Variants in PDCD10 observed in about 807,000 individuals in gnomAD.
PDCD10 encodes programmed cell death 10, also known as programmed cell death protein 10.
Under a neutral mutation model 29.2 loss-of-function variants are expected in PDCD10, and 4 were observed. The ratio of observed to expected loss-of-function variants is 0.14; its 90% confidence interval spans 0.07 to 0.31. The LOEUF is 0.31. PDCD10 is among the 10% of genes least tolerant of loss of function. The pLI, the probability that PDCD10 is intolerant of heterozygous loss-of-function variation, is 1.00. For missense variants in PDCD10, 183 were observed against 257.9 expected (o/e 0.71, Z 1.99); for synonymous variants, 70 against 82.2 (o/e 0.85, Z 0.80).
At chr3:167,705,107 G>A (rs1721848773) in intron 3 of PDCD10, among the ~76,000 whole-genome samples, 1 of 151,890 alleles carries the variant, frequency 6.6e-6, no homozygotes, top group Admixed American at 6.6e-5. Flanking sequence ...AAAATTAAAA[G>A]CAACCCATAT....
intron 3 of PDCD10, among the ~76,000 whole-genome samples, chr3:167,719,677 T>A (rs1723376450): frequency 6.6e-6 from 1 of 152,102 alleles, no homozygotes; most frequent in African/African-American, 2.4e-5. Flanking sequence ...TCTATTTATC[T>A]CTTTTAGATC....
intron 2 of PDCD10, among the ~76,000 whole-genome samples, chr3:167,727,628 T>A (rs993419215): frequency 3.3e-5 from 5 of 152,192 alleles, no homozygotes; most frequent in African/African-American, 1.2e-4. Flanking sequence ...AGCTTTCCTT[T>A]AAAATCCCTT....
intron 1 of PDCD10, 88 bp downstream of exon 1, chr3:167,734,574 G>A (rs16851456): frequency 6.6e-6 from 1 of 152,560 alleles, no homozygotes; most frequent in East Asian, 1.9e-4. Context: ...CCACCTAGAG[G>A]AGACTTCCTG....
chr3:167,732,129 A>C (rs1724884150), intron 2 of PDCD10, among the ~76,000 whole-genome samples: 1 of 152,200 alleles, frequency 6.6e-6, no homozygotes, highest in African/African-American at 2.4e-5. Context: ...TTCTCATGTA[A>C]ATAATCTAAG....
intron 4 of PDCD10, chr3:167,697,939 A>C (rs1294448197): frequency 4.4e-6 from 2 of 456,548 alleles, no homozygotes; most frequent in Non-Finnish European, 8.8e-6. Flanking sequence ...ATGCCTGCCA[A>C]TTTTAATCAT....
chr3:167,716,000 G>A, intron 3 of PDCD10, among the ~76,000 whole-genome samples: 1 of 151,970 alleles, frequency 6.6e-6, no homozygotes, highest in South Asian at 2.1e-4. Flanking sequence ...GTTCACAACA[G>A]CCAAGATTTT....
chr3:167,720,602 A>G (rs764341967), intron 2 of PDCD10, among the ~76,000 whole-genome samples: 1 of 152,100 alleles, frequency 6.6e-6, no homozygotes, highest in African/African-American at 2.4e-5. Context: ...AAGAGAACAT[A>G]TGAATAAGAC....
chr3:167,691,438 A>C (rs1414496974), intron 6 of PDCD10, among the ~76,000 whole-genome samples: 1 of 152,180 alleles, frequency 6.6e-6, no homozygotes, highest in Non-Finnish European at 1.5e-5. Flanking sequence ...AAAGAAAACA[A>C]CACCCTAAAG....
At chr3:167,686,688 G>C (rs530430117) in intron 8 of PDCD10, among the ~76,000 whole-genome samples, 4 of 152,100 alleles carry the variant, frequency 2.6e-5, no homozygotes, top group African/African-American at 9.7e-5. Flanking sequence ...TGGGACCCTC[G>C]AGCAATTTGC....
chr3:167,692,804 G>C (rs1720395131), intron 6 of PDCD10, among the ~76,000 whole-genome samples: 1 of 152,246 alleles, frequency 6.6e-6, no homozygotes, highest in South Asian at 2.1e-4. Flanking sequence ...TGTAGTCCCA[G>C]CTACGCTGGA....
At chr3:167,728,539 G>A (rs1559981455) in intron 2 of PDCD10, among the ~76,000 whole-genome samples, 1 of 152,156 alleles carries the variant, frequency 6.6e-6, no homozygotes, top group Non-Finnish European at 1.5e-5. Flanking sequence ...ATGGCAGTTA[G>A]AGAAACAATC....
intron 8 of PDCD10, among the ~76,000 whole-genome samples, chr3:167,685,547 AT>A (rs529368063): frequency 4.3e-4 from 65 of 152,306 alleles, no homozygotes; most frequent in Admixed American, 1.4e-3. Flanking sequence ...CAAGCACATT[AT>A]TGATACACAA....
intron 2 of PDCD10, among the ~76,000 whole-genome samples, chr3:167,732,627 G>C (rs1259985090): frequency 6.6e-6 from 1 of 152,168 alleles, no homozygotes; most frequent in East Asian, 1.9e-4. Flanking sequence ...AAGAGTAGTG[G>C]CAGAAATGAA....
In PDCD10 at chr3:167,683,773, T is replaced by TA. The variant is rs1392200049; in HGVS notation, c.*534dup. 2.0e-5 allele frequency: 3 copies of TA among 150,766 alleles called. No homozygotes were observed. Among genetic ancestry groups the TA allele is most frequent in the Non-Finnish European group, 4.4e-5 (3 of 67,642 alleles). 9.3% of individuals were successfully genotyped at this position (150,766 alleles called of 1,614,324 possible). A position where few individuals can be genotyped will look rare whatever the true frequency, so the allele number is the denominator to read the frequency against. On this transcript the variant is annotated 3_prime_UTR_variant, in exon 9 of 9. Coordinates refer to ENST00000392750, the MANE Select transcript of PDCD10 (RefSeq NM_007217.4). The stretch of plus-strand genomic sequence containing the variant: ...TAGAAATTCTTGCTTTATTATTTGA[T>TA]AAACTGCTGATAAGCTCCCATTAGA...
chr3:167,707,044 C>A lies in PDCD10; in HGVS notation c.97-2149G>T, dbSNP rs139258839. Among the ~76,000 whole-genome samples, 267 of 152,302 alleles carry A rather than the reference C, an allele frequency of 1.8e-3. 4 individuals are homozygous for A. Among genetic ancestry groups the A allele is most frequent in the African/African-American group, 6.3e-3 (261 of 41,560 alleles). On this transcript the variant is annotated intron_variant, in intron 3 of 8. Coordinates refer to ENST00000392750, the MANE Select transcript of PDCD10 (RefSeq NM_007217.4). ...TATCTTCAACCTGGTTCTTTAAGGA[C>A]TGACATATTCTTGAGTTCCTACCAT...
chr3:167,718,235 G>A (rs186892025), intron 3 of PDCD10, among the ~76,000 whole-genome samples: 7 of 152,098 alleles, frequency 4.6e-5, no homozygotes, highest in Admixed American at 2.6e-4. Context: ...CTGTGTTTCC[G>A]AATAGATTCT....
chr3:167,711,136 C>T (rs1722480367), intron 3 of PDCD10, among the ~76,000 whole-genome samples: 1 of 152,168 alleles, frequency 6.6e-6, no homozygotes, highest in South Asian at 2.1e-4. Flanking sequence ...CCAGAAGCAT[C>T]AAGACCATCC....
At chr3:167,707,039 A>C (rs1159205909) in intron 3 of PDCD10, among the ~76,000 whole-genome samples, 1 of 152,196 alleles carries the variant, frequency 6.6e-6, no homozygotes, top group Non-Finnish European at 1.5e-5. Context: ...CTGGTTCTTT[A>C]AGGACTGACA....
At position 167,734,886 on chromosome 3, in the gene PDCD10, A is replaced by C. The variant is rs1359419031; in HGVS notation, c.-478T>G. 1 of 152,944 alleles carries C rather than the reference A, an allele frequency of 6.5e-6. No individual in the cohort carries two copies. Among genetic ancestry groups the C allele is most frequent in the Admixed American group, 6.5e-5 (1 of 15,294 alleles). 9.5% of individuals were successfully genotyped at this position (152,944 alleles called of 1,614,324 possible). On this transcript the variant is annotated 5_prime_UTR_variant, in exon 1 of 9. Coordinates refer to ENST00000392750, the MANE Select transcript of PDCD10 (RefSeq NM_007217.4). ...ATCAATTCACTCCGGCGACGCCGGA[A>C]GGACCCAAGAGGAACCAGGCGTTGT...
Sources: gnomAD v4.1 joint callset for allele counts (sites outside exome capture counted in the v4.1 genomes callset) on GRCh38, gnomAD v4.1.1 for gene constraint, MANE v1.5 for transcripts, NCBI Gene and HGNC (gene_info 2026-07-23, HGNC 2026-07-21) for gene names.